DDX52: variants seen among roughly 807,000 people sequenced by gnomAD.
The protein encoded by DDX52 is DExD-box helicase 52, also known as probable ATP-dependent RNA helicase DDX52.
In DDX52, 59 loss-of-function variants were observed where a neutral mutation model predicts 76.1. The observed-to-expected ratio is 0.78, with a 90% CI of 0.63 to 0.96. The LOEUF is 0.96. DDX52 is among the 40% of genes least tolerant of loss of function. The pLI is 0.00. For synonymous variants in DDX52, 231 were observed against 244.1 expected, an observed-to-expected ratio of 0.95 and a Z score of 0.50; for missense variants, 707 against 703.9, an observed-to-expected ratio of 1.00 and a Z score of -0.05.
Position 37,610,161 on chromosome 17 carries a change from T to A in DDX52, c.*4135A>T, listed in dbSNP as rs2064289173. 1 of 152,172 alleles carries A rather than the reference T, an allele frequency of 6.6e-6. No homozygotes were observed. Among genetic ancestry groups the A allele is most frequent in the African/African-American group, 2.4e-5 (1 of 41,268 alleles). 9.4% of individuals were successfully genotyped at this position (152,172 alleles called of 1,614,324 possible). A position where few individuals can be genotyped will look rare whatever the true frequency, so the allele number is the denominator to read the frequency against. ...TTTTTTGAGACAGGGTCTTGCTCTG[T>A]TGTCCAGGCTGGAGTGCAGTGGCAT... On this transcript the variant is annotated 3_prime_UTR_variant, in exon 15 of 15. Transcript: ENST00000617633.
Position 37,618,235 on chromosome 17 carries a change from T to C in DDX52, c.1742+57A>G. ...TAAAAATTTACCTAAGGAAAAATAA[T>C]GCCTACTATAACTTTATGATGGTGT... On this transcript the variant is annotated intron_variant, in intron 14 of 14. Coordinates refer to ENST00000617633, the MANE Select transcript of DDX52 (RefSeq NM_007010.5). 20 of 1,342,456 alleles carry C rather than the reference T, an allele frequency of 1.5e-5. No individual in the cohort carries two copies. In the Middle Eastern group the frequency reaches 5.9e-4, roughly 39 times the overall value. 83.2% of individuals were successfully genotyped at this position (1,342,456 alleles called of 1,614,324 possible). A position where few individuals can be genotyped will look rare whatever the true frequency, so the allele number is the denominator to read the frequency against.
intron 2 of DDX52, among the ~76,000 whole-genome samples, chr17:37,638,221 G>C (rs112105389): frequency 2.1e-4 from 32 of 152,328 alleles, no homozygotes; most frequent in African/African-American, 7.5e-4. Flanking sequence ...GAAGGCCAAA[G>C]AGTAGTATCT....
intron 14 of DDX52, 101 bp from the exon 15 acceptor site, chr17:37,614,454 G>C (rs1598748925): frequency 3.5e-6 from 4 of 1,147,442 alleles, no homozygotes; most frequent in Non-Finnish European, 3.7e-6. Flanking sequence ...GAAACCTACT[G>C]TGTATCAAAT....
rs141903993 is a variant in DDX52 at position 37,626,837 on chromosome 17, G to C, written c.883C>G (p.Arg295Gly). The change falls in exon 7 of 15, where the codon CGA becomes GGA. Residue 295 changes from arginine (R) to glycine (G), a missense_variant. Coordinates refer to ENST00000617633, the MANE Select transcript of DDX52 (RefSeq NM_007010.5). ...KFDILVTTPN[R>G]LIYLLKQDPP... The stretch of plus-strand genomic sequence containing the variant: ...TCTTGCTTTAATAAATAGATTAGTC[G>C]ATTTGGAGTAGTCACAAGAATATCT... The C allele has an allele frequency of 1.2e-6, 2 of 1,611,658 alleles. No individual in the cohort carries two copies. Among genetic ancestry groups the C allele is most frequent in the Non-Finnish European group, 1.7e-6 (2 of 1,179,372 alleles).
At chr17:37,619,053 G>A (rs570221437) in intron 13 of DDX52, among the ~76,000 whole-genome samples, 56 of 152,232 alleles carry the variant, frequency 3.7e-4, no homozygotes, top group Non-Finnish European at 6.9e-4. Context: ...TACTTATACT[G>A]AATACTTTTA....
chr17:37,621,021 A>C, intron 11 of DDX52, 73 bp from the exon 12 acceptor site: 1 of 1,558,298 alleles, frequency 6.4e-7, no homozygotes, highest in Non-Finnish European at 8.6e-7. Flanking sequence ...TATAAAAGTC[A>C]CTGGATTTTC....
At chr17:37,626,536 C>T (rs1451965467) in intron 7 of DDX52, among the ~76,000 whole-genome samples, 2 of 152,106 alleles carry the variant, frequency 1.3e-5, no homozygotes, top group East Asian at 3.9e-4. Context: ...AGCATGAAAA[C>T]GGACTAACAC....
At chr17:37,629,834 G>A (rs2030587905) in intron 5 of DDX52, among the ~76,000 whole-genome samples, 196 bp downstream of exon 5, 1 of 152,162 alleles carries the variant, frequency 6.6e-6, no homozygotes, top group Admixed American at 6.5e-5. Flanking sequence ...AAATCACTGT[G>A]TTTTAGAAAC....
At chr17:37,643,220 G>A in intron 1 of DDX52, 114 bp downstream of exon 1, 1 of 1,092,960 alleles carries the variant, frequency 9.1e-7, no homozygotes, top group Admixed American at 2.6e-5. Context: ...CCCCAAGGGT[G>A]GCGAGAGCCA....
Position 37,631,879 on chromosome 17 carries a change from T to C in DDX52, c.603+234A>G, listed in dbSNP as rs141794299. On this transcript the variant is annotated intron_variant, in intron 4 of 14. Transcript: ENST00000617633. ...AAGGAAAAGAACACACCAAATACCA[T>C]GGAAGAACTGCAGTGTGGGGGAAAG... 508 of 570,980 alleles carry C rather than the reference T, an allele frequency of 8.9e-4. 6 individuals carry two copies. In the East Asian group the frequency reaches 0.012, roughly 13 times the overall value. The allele number at this position is 570,980 out of a possible 1,614,324, so 35.4% of individuals were successfully genotyped here. A position where few individuals can be genotyped will look rare whatever the true frequency, so the allele number is the denominator to read the frequency against.
At chr17:37,640,002 C>T (rs2031114250) in intron 2 of DDX52, among the ~76,000 whole-genome samples, 1 of 152,222 alleles carries the variant, frequency 6.6e-6, no homozygotes, top group Non-Finnish European at 1.5e-5. Flanking sequence ...CACACAGTAA[C>T]ATGTCAAATT....
At chr17:37,640,951 TC>T (rs1266843488) in intron 2 of DDX52, among the ~76,000 whole-genome samples, 1 of 151,802 alleles carries the variant, frequency 6.6e-6, no homozygotes, top group Non-Finnish European at 1.5e-5. Flanking sequence ...GCCATTGCAC[TC>T]CAGCCTGGGC....
In DDX52 at chr17:37,642,050, ATTATTT is replaced by A. The variant is rs1454770349; in HGVS notation, c.286+54_286+59del. The A allele has an allele frequency of 4.4e-6, 7 of 1,595,934 alleles. No individual in the cohort carries two copies. The African/African-American group carries it at 9.5e-5, about 22-fold the overall frequency. On this transcript the variant is annotated intron_variant, in intron 2 of 14. Transcript: ENST00000617633. Reference sequence around the variant, plus strand: ...GTCTGACTTGTAGCCATAAGCCTGTATTATTTTTATAACTGAAAAAAATTAAAGAGA... The same window carrying A: ...GTCTGACTTGTAGCCATAAGCCTGTATTATAACTGAAAAAAATTAAAGAGA...
intron 9 of DDX52, among the ~76,000 whole-genome samples, chr17:37,623,766 A>ATGACACTT (rs1372179817): frequency 6.6e-6 from 1 of 152,206 alleles, no homozygotes; most frequent in African/African-American, 2.4e-5. Flanking sequence ...TTAGCCCTTT[A>ATGACACTT]TGACACTTTA....
chr17:37,625,508 A>G (rs948143658), intron 8 of DDX52, among the ~76,000 whole-genome samples: 5 of 152,112 alleles, frequency 3.3e-5, no homozygotes, highest in African/African-American at 1.2e-4. Flanking sequence ...TTTAGCATAA[A>G]ATGCTCCCCA....
rs1271012643 is a variant in DDX52 at position 37,619,769 on chromosome 17, T to C, written c.1648A>G (p.Ser550Gly). The change falls in exon 13 of 15, where the codon AGC (serine) becomes GGC (glycine). Residue 550 changes from serine (S) to glycine (G), a missense_variant and splice_region_variant. By Grantham distance (56) the Ser-to-Gly change is moderately conservative. Transcript: ENST00000617633. ...EYIKGFQKLL[S>G]KQKKKMIKKP... ...ATACAGGTAAATTCAAGATTGTACCTTAGTAGTTTCTGAAAACCTTTTATG... is the reference window on the plus strand; with the variant it reads ...ATACAGGTAAATTCAAGATTGTACCCTAGTAGTTTCTGAAAACCTTTTATG... The C allele has an allele frequency of 6.2e-7, 1 of 1,613,064 alleles. No homozygotes were observed. The highest frequency in any genetic ancestry group is 8.5e-7 in the Non-Finnish European group (1 of 1,179,538).
In DDX52 at chr17:37,610,901, CAT is replaced by C. The variant is rs1471593102; in HGVS notation, c.*3393_*3394del. 1 of 152,198 alleles carries C rather than the reference CAT, an allele frequency of 6.6e-6. No individual in the cohort carries two copies. Among genetic ancestry groups the C allele is most frequent in the African/African-American group, 2.4e-5 (1 of 41,442 alleles). 9.4% of individuals were successfully genotyped at this position (152,198 alleles called of 1,614,324 possible). A position where few individuals can be genotyped will look rare whatever the true frequency, so the allele number is the denominator to read the frequency against. The stretch of plus-strand genomic sequence containing the variant: ...GTGTGAAGCTGAAATTTATGTAGCA[CAT>C]AGTTCCAACTGCTTTGAAGGAGCTA... On this transcript the variant is annotated 3_prime_UTR_variant, in exon 15 of 15. Transcript: ENST00000617633.
chr17:37,623,901 T>C (rs11655384), intron 9 of DDX52, among the ~76,000 whole-genome samples: 104,249 of 152,108 alleles, frequency 0.69, 37,611 homozygotes, highest in African/African-American at 0.91. Flanking sequence ...TTAACTATGG[T>C]TTCTACTCAG....
chr17:37,637,556 C>A lies in DDX52; in HGVS notation c.287-4138G>T, dbSNP rs1478463441. ...ATTATAGGTGAGCCACTGCTCCTGG[C>A]CTCCCTACCAATTCTTTGTTTTGTT... is the stretch of plus-strand genomic sequence containing the variant. On this transcript the variant is annotated intron_variant, in intron 2 of 14. Coordinates refer to ENST00000617633, the MANE Select transcript of DDX52 (RefSeq NM_007010.5). 3.3e-5 allele frequency among the ~76,000 whole-genome samples: 5 copies of A among 151,990 alleles called. No homozygotes were observed. The East Asian group carries it at 9.7e-4, about 30-fold the overall frequency.
Sources: allele counts gnomAD v4.1 joint callset (sites outside exome capture counted in the v4.1 genomes callset), GRCh38; gene constraint gnomAD v4.1.1; transcripts MANE v1.5; gene names NCBI Gene and HGNC (gene_info 2026-07-23, HGNC 2026-07-21).